ZDHHC17: variants seen among roughly 807,000 people sequenced by gnomAD.
The protein encoded by ZDHHC17 is palmitoyltransferase ZDHHC17.
A neutral mutation model predicts 90.3 loss-of-function variants in ZDHHC17; 40 were observed. That is an observed-to-expected ratio of 0.44 (90% CI 0.34 to 0.58). The LOEUF is 0.58. ZDHHC17 is among the 20% of genes least tolerant of loss of function. The pLI is 0.01. For synonymous variants in ZDHHC17, 235 were observed against 252.4 expected, an observed-to-expected ratio of 0.93 and a Z score of 0.65; for missense variants, 614 against 780.8, an observed-to-expected ratio of 0.79 and a Z score of 2.55.
At chr12:76,774,653 T>G (rs1232122022) in intron 1 of ZDHHC17, among the ~76,000 whole-genome samples, 2 of 152,222 alleles carry the variant, frequency 1.3e-5, no homozygotes, top group African/African-American at 4.8e-5. Flanking sequence ...CATCCAGCAG[T>G]TAGTAACCAT....
chr12:76,830,439 AAAT>A (rs1429164064), intron 10 of ZDHHC17, among the ~76,000 whole-genome samples: 1 of 148,940 alleles, frequency 6.7e-6, no homozygotes, highest in African/African-American at 2.5e-5. Flanking sequence ...TAGTACCTTT[AAAT>A]ATTTTCTTAG....
In ZDHHC17 at chr12:76,846,655, T is replaced by G; in HGVS notation, c.1483T>G (p.Trp495Gly). 6.2e-7 allele frequency: 1 copy of G among 1,611,268 alleles called. No individual in the cohort carries two copies. The highest frequency in any genetic ancestry group is 8.5e-7 in the Non-Finnish European group (1 of 1,178,310). Reference sequence around the variant, plus strand: ...ATTCTTCTTGCTTTTTATGATCTGCTGGATGATTTATGGTTGTATATCTTG... The same window carrying G: ...ATTCTTCTTGCTTTTTATGATCTGCGGGATGATTTATGGTTGTATATCTTG... Reference protein sequence around the residue: ...YLFFLLFMICWMIYGCISYWG... With the variant: ...YLFFLLFMICGMIYGCISYWG... The change falls in exon 14 of 17, where the codon TGG (tryptophan) becomes GGG (glycine). Residue 495 changes from tryptophan (W) to glycine (G), a missense_variant. By Grantham distance (184) the Trp-to-Gly change is radical (BLOSUM62 -2). Transcript: ENST00000426126.
chr12:76,816,467 G>A lies in ZDHHC17; in HGVS notation c.771+448G>A, dbSNP rs184351980. 4.0e-3 allele frequency among the ~76,000 whole-genome samples: 604 copies of A among 152,040 alleles called. 6 individuals carry two copies. Among genetic ancestry groups the A allele is most frequent in the Non-Finnish European group, 3.5e-3 (235 of 67,900 alleles). On this transcript the variant is annotated intron_variant, in intron 7 of 16. Coordinates refer to ENST00000426126, the MANE Select transcript of ZDHHC17 (RefSeq NM_015336.4). ...AGGATCCACCATGTCTTTCAGCAAC[G>A]AACTCGTTCTGCGAAATTACTTTAA...
chr12:76,782,897 G>A (rs892692883), intron 1 of ZDHHC17, among the ~76,000 whole-genome samples: 10 of 151,954 alleles, frequency 6.6e-5, no homozygotes, highest in East Asian at 1.9e-4. Flanking sequence ...CATCAGGGGC[G>A]GGGGATTCTT....
At chr12:76,824,045 C>G (rs1281424679) in intron 8 of ZDHHC17, among the ~76,000 whole-genome samples, 2 of 151,820 alleles carry the variant, frequency 1.3e-5, no homozygotes, top group African/African-American at 4.8e-5. Flanking sequence ...TTGGCACTTT[C>G]GTTTTGTTGA....
At position 76,803,164 on chromosome 12, in the gene ZDHHC17, G is replaced by A. The variant is rs567040680; in HGVS notation, c.198-2153G>A. On this transcript the variant is annotated intron_variant, in intron 2 of 16. Coordinates refer to ENST00000426126, the MANE Select transcript of ZDHHC17 (RefSeq NM_015336.4). Reference sequence around the variant, plus strand: ...GCTACTAGGGAGGCTGAGGTGGGAGGATTGCTTGAGCCCTGGGGGTGGAGA... The same window carrying A: ...GCTACTAGGGAGGCTGAGGTGGGAGAATTGCTTGAGCCCTGGGGGTGGAGA... 1.3e-4 allele frequency among the ~76,000 whole-genome samples: 20 copies of A among 152,168 alleles called. No homozygotes were observed. The South Asian group carries it at 3.9e-3, about 30-fold the overall frequency.
At chr12:76,813,499 G>A (rs1953049720) in intron 5 of ZDHHC17, 2 of 303,828 alleles carry the variant, frequency 6.6e-6, no homozygotes, top group South Asian at 5.2e-5. Flanking sequence ...CTTATCTAAT[G>A]TAGTGGTTCT....
At position 76,842,806 on chromosome 12, in the gene ZDHHC17, C is replaced by T. The variant is rs930585042; in HGVS notation, c.1267-113C>T. The T allele has an allele frequency of 1.5e-5, 11 of 741,306 alleles. 1 individual carries two copies. Among genetic ancestry groups the T allele is most frequent in the Admixed American group, 3.0e-5 (1 of 33,770 alleles). 45.9% of individuals were successfully genotyped at this position (741,306 alleles called of 1,614,324 possible). On this transcript the variant is annotated intron_variant, in intron 11 of 16. Coordinates refer to ENST00000426126, the MANE Select transcript of ZDHHC17 (RefSeq NM_015336.4). ...AAGATTTTATTTCTCTTTTTGAACT[C>T]AAAACATCAGTAAATTAAAGATGAA...
chr12:76,764,491 A>G, intron 1 of ZDHHC17, 162 bp downstream of exon 1: 3 of 671,996 alleles, frequency 4.5e-6, no homozygotes, highest in East Asian at 2.8e-5. Flanking sequence ...GCGAGCGGAT[A>G]ACGGGGGAGG....
Position 76,851,020 on chromosome 12 carries a change from G to T in ZDHHC17, c.*35G>T, listed in dbSNP as rs896286937. The T allele has an allele frequency of 1.2e-6, 2 of 1,612,252 alleles. No individual in the cohort carries two copies. Among genetic ancestry groups the T allele is most frequent in the African/African-American group, 1.3e-5 (1 of 74,994 alleles). The stretch of plus-strand genomic sequence containing the variant: ...ATCCTATGAAGCATATTGCTGAGTG[G>T]TGCCTGAAAATTGTGTCTGTCCGTG... On this transcript the variant is annotated 3_prime_UTR_variant, in exon 17 of 17. Coordinates refer to ENST00000426126, the MANE Select transcript of ZDHHC17 (RefSeq NM_015336.4).
At chr12:76,843,037 G>A (rs1179790754) in intron 12 of ZDHHC17, 56 bp downstream of exon 12, 23 of 1,409,460 alleles carry the variant, frequency 1.6e-5, no homozygotes, top group South Asian at 2.4e-5. Flanking sequence ...CAGTGGCATA[G>A]CATAGCGGGT....
chr12:76,851,120 C>T lies in ZDHHC17; in HGVS notation c.*135C>T, dbSNP rs768398056. On this transcript the variant is annotated 3_prime_UTR_variant, in exon 17 of 17. Coordinates refer to ENST00000426126, the MANE Select transcript of ZDHHC17 (RefSeq NM_015336.4). ...TAGGGCTAATGGTGAATTTTACAGT[C>T]TTTTTTTCAACACTTTTATTAACAA... 3.8e-6 allele frequency: 4 copies of T among 1,057,178 alleles called. No individual in the cohort carries two copies. The highest frequency in any genetic ancestry group is 5.3e-6 in the Non-Finnish European group (4 of 755,918). 65.5% of individuals were successfully genotyped at this position (1,057,178 alleles called of 1,614,324 possible). A position where few individuals can be genotyped will look rare whatever the true frequency, so the allele number is the denominator to read the frequency against.
chr12:76,800,591 A>T (rs982749447), intron 2 of ZDHHC17, among the ~76,000 whole-genome samples: 1 of 152,200 alleles, frequency 6.6e-6, no homozygotes, highest in African/African-American at 2.4e-5. Context: ...ACCTTTTATT[A>T]ATATGTAATG....
chr12:76,849,347 A>AAAAAAAAC, intron 15 of ZDHHC17, 29 bp from the exon 16 acceptor site: 1 of 1,189,618 alleles, frequency 8.4e-7, no homozygotes, highest in Non-Finnish European at 1.2e-6. Flanking sequence ...AAAAACAAGA[A>AAAAAAAAC]TAATGGTTTG....
At chr12:76,803,746 G>T (rs1034174192) in intron 2 of ZDHHC17, among the ~76,000 whole-genome samples, 1 of 152,110 alleles carries the variant, frequency 6.6e-6, no homozygotes, top group Non-Finnish European at 1.5e-5. Context: ...GTCCCTAGGG[G>T]GTGCATGATG....
intron 1 of ZDHHC17, among the ~76,000 whole-genome samples, chr12:76,772,216 A>G (rs1160203489): frequency 6.6e-6 from 1 of 152,202 alleles, no homozygotes; most frequent in African/African-American, 2.4e-5. Context: ...TAGAGATGAT[A>G]GAGTTGGATT....
intron 2 of ZDHHC17, among the ~76,000 whole-genome samples, chr12:76,801,912 A>T (rs1386834715): frequency 6.6e-6 from 1 of 152,246 alleles, no homozygotes; most frequent in African/African-American, 2.4e-5. Flanking sequence ...AATTACAATA[A>T]TACTAGTGCT....
At chr12:76,794,838 T>A (rs1322399478) in intron 1 of ZDHHC17, among the ~76,000 whole-genome samples, 3 of 152,146 alleles carry the variant, frequency 2.0e-5, no homozygotes, top group Non-Finnish European at 4.4e-5. Flanking sequence ...ATGATAGTAA[T>A]CCTCAGAAAG....
chr12:76,848,699 C>G (rs1008624723), intron 15 of ZDHHC17, among the ~76,000 whole-genome samples: 1 of 152,006 alleles, frequency 6.6e-6, no homozygotes, highest in African/African-American at 2.4e-5. Context: ...TATTTTTATT[C>G]ACAAATACTA....
Sources: allele counts gnomAD v4.1 joint callset (sites outside exome capture counted in the v4.1 genomes callset), GRCh38; gene constraint gnomAD v4.1.1; transcripts MANE v1.5; gene names NCBI Gene and HGNC (gene_info 2026-07-23, HGNC 2026-07-21).